TRAPPC11: variants seen among roughly 807,000 people sequenced by gnomAD.
TRAPPC11 encodes trafficking protein particle complex subunit 11, also known as foie gras homolog.
TRAPPC11 carries 104 observed loss-of-function variants against 151.2 expected under a neutral mutation model. The observed-to-expected ratio is 0.69, with a 90% CI of 0.59 to 0.81. The LOEUF (loss-of-function observed/expected upper bound fraction) is 0.81, where lower values mean the gene tolerates loss of function less well. Among genes scored for constraint, TRAPPC11 ranks in the 30% least tolerant of loss-of-function variants. The probability of loss-of-function intolerance (pLI) is 0.00; values close to 1 mark genes in which losing one functional copy is unlikely to be tolerated. For synonymous variants in TRAPPC11, 456 were observed against 472.3 expected (o/e 0.97, Z 0.45); for missense variants, 1,230 against 1,349.6 (o/e 0.91, Z 1.39).
At chr4:183,677,031 C>G (rs1236473988) in intron 7 of TRAPPC11, among the ~76,000 whole-genome samples, 1 of 152,304 alleles carries the variant, frequency 6.6e-6, no homozygotes, top group African/African-American at 2.4e-5. Flanking sequence ...TCTCAAAGTG[C>G]TGGGATTACA....
intron 29 of TRAPPC11, among the ~76,000 whole-genome samples, chr4:183,710,581 C>T (rs62358039): frequency 0.28 from 42,005 of 151,194 alleles, 6,483 homozygotes; most frequent in African/African-American, 0.42. Context: ...CCACTGCGCC[C>T]GGCCTAACAT....
chr4:183,677,320 C>G (rs1443997976), intron 7 of TRAPPC11, 138 bp from the exon 8 acceptor site: 11 of 647,828 alleles, frequency 1.7e-5, no homozygotes, highest in African/African-American at 1.1e-4. Flanking sequence ...GCTCATTTAT[C>G]AGGAAATCAG....
At position 183,685,370 on chromosome 4, in the gene TRAPPC11, T is replaced by G; in HGVS notation, c.1729T>G (p.Phe577Val). ...DRISLAGSNI[F>V]TIGVQDFVPF... ...AATTTCTCTGGCTGGCAGCAATATT[T>G]TCACAATAGGAGTACAGGACTTTGT... Residue 577 changes from phenylalanine (F) to valine (V), a missense_variant, in exon 17 of 30, where the codon TTC becomes GTC. Phe to Val is a conservative substitution (Grantham distance 50). Coordinates refer to ENST00000334690, the MANE Select transcript of TRAPPC11 (RefSeq NM_021942.6). 2 of 1,614,168 alleles carry G rather than the reference T, an allele frequency of 1.2e-6. No homozygotes were observed. The highest frequency in any genetic ancestry group is 1.1e-5 in the South Asian group (1 of 91,086).
Position 183,694,762 on chromosome 4 carries a change from G to C in TRAPPC11, c.2628+39G>C, listed in dbSNP as rs201041596. The stretch of plus-strand genomic sequence containing the variant: ...GCTACTTTATAAAGCATCATATGTG[G>C]AGTATTCCCATTTTGTGTTATTTTA... On this transcript the variant is annotated intron_variant, in intron 23 of 29. Transcript: ENST00000334690. The C allele has an allele frequency of 1.3e-3, 2,112 of 1,581,754 alleles. 7 individuals carry two copies. Among genetic ancestry groups the C allele is most frequent in the South Asian group, 2.6e-3 (222 of 84,668 alleles).
intron 10 of TRAPPC11, among the ~76,000 whole-genome samples, chr4:183,680,990 G>A (rs1002342279): frequency 6.6e-6 from 1 of 151,856 alleles, no homozygotes; most frequent in South Asian, 2.1e-4. Flanking sequence ...ACCGCGCCTG[G>A]CCTCCTGTGT....
chr4:183,678,304 C>T (rs1735513524), intron 8 of TRAPPC11, among the ~76,000 whole-genome samples: 1 of 152,096 alleles, frequency 6.6e-6, no homozygotes, highest in African/African-American at 2.4e-5. Flanking sequence ...GAATAGGTGC[C>T]CTCAGAAGTC....
chr4:183,659,712 G>C (rs958580311), intron 1 of TRAPPC11, among the ~76,000 whole-genome samples: 3 of 152,220 alleles, frequency 2.0e-5, no homozygotes, highest in Non-Finnish European at 2.9e-5. Context: ...TACCAGAACA[G>C]ATACTGGGAC....
At position 183,683,439 on chromosome 4, in the gene TRAPPC11, T is replaced by C. The variant is rs11947515; in HGVS notation, c.1208-536T>C. Among the ~76,000 whole-genome samples the C allele has an allele frequency of 8.8e-3, 1,331 of 151,978 alleles. 19 individuals are homozygous for C. Among genetic ancestry groups the C allele is most frequent in the African/African-American group, 0.031 (1,274 of 41,456 alleles). On this transcript the variant is annotated intron_variant, in intron 11 of 29. Transcript: ENST00000334690. ...GCTTTGGGAGGCCAAGGTGGGAGGA[T>C]TGCTTGAGGCCAGGAGTTTGAGACC...
intron 17 of TRAPPC11, 122 bp from the exon 18 acceptor site, chr4:183,686,496 A>T (rs1735975192): frequency 4.5e-6 from 5 of 1,114,150 alleles, no homozygotes; most frequent in Non-Finnish European, 5.1e-6. Flanking sequence ...CCTTAAGTGC[A>T]GAAGTCAGTA....
Position 183,675,248 on chromosome 4 carries a change from C to A in TRAPPC11, c.734+11C>A. 3 of 1,495,508 alleles carry A rather than the reference C, an allele frequency of 2.0e-6. No individual in the cohort carries two copies. The highest frequency in any genetic ancestry group is 2.7e-6 in the Non-Finnish European group (3 of 1,111,578). 92.6% of individuals were successfully genotyped at this position (1,495,508 alleles called of 1,614,324 possible). On this transcript the variant is annotated intron_variant, in intron 7 of 29. Transcript: ENST00000334690. ...ACAAAATGCGCTGAAGTAAGTTAAG[C>A]TTTCAAACTAAATGTTTCCTATTTT... is the stretch of plus-strand genomic sequence containing the variant.
chr4:183,691,408 CA>C lies in TRAPPC11; in HGVS notation c.1990del (p.Thr664GlnfsTer38). The C allele has an allele frequency of 1.3e-6, 2 of 1,546,298 alleles. No homozygotes were observed. Among genetic ancestry groups the C allele is most frequent in the Non-Finnish European group, 1.8e-6 (2 of 1,138,512 alleles). On this transcript the variant is annotated frameshift_variant, in exon 19 of 30. Transcript: ENST00000334690. LOFTEE classifies it high-confidence loss of function. The stretch of plus-strand genomic sequence containing the variant: ...AAGGAAAGATGTGCCTAGTTCCTGG[CA>C]AAACAAGAAAACTGTTATTTAAGTT... ...TQGKMCLVPG[K>X]TRKLLFKFVA...
chr4:183,672,706 G>A (rs1446188003), intron 5 of TRAPPC11, among the ~76,000 whole-genome samples: 2 of 152,130 alleles, frequency 1.3e-5, no homozygotes, highest in African/African-American at 4.8e-5. Context: ...CACTTACCAA[G>A]CCTACTTACT....
chr4:183,674,544 A>G (rs1735315767), intron 5 of TRAPPC11, among the ~76,000 whole-genome samples, 169 bp from the exon 6 acceptor site: 1 of 151,606 alleles, frequency 6.6e-6, no homozygotes, highest in Non-Finnish European at 1.5e-5. Flanking sequence ...TTGTTTTTAG[A>G]CTTTTTGATC....
chr4:183,707,254 A>ACGTGTGTGTG (rs1737120360), intron 28 of TRAPPC11, among the ~76,000 whole-genome samples: 1 of 148,568 alleles, frequency 6.7e-6, no homozygotes, highest in African/African-American at 2.5e-5. Context: ...GTGTGTGTTT[A>ACGTGTGTGTG]TGTGTGTGTG....
intron 29 of TRAPPC11, among the ~76,000 whole-genome samples, chr4:183,709,099 C>T (rs1338809148): frequency 2.6e-5 from 4 of 152,078 alleles, no homozygotes; most frequent in Non-Finnish European, 5.9e-5. Context: ...TTTAGCTCAG[C>T]AGCCCACCTC....
chr4:183,692,522 T>C (rs927141123), intron 19 of TRAPPC11, among the ~76,000 whole-genome samples: 8 of 152,232 alleles, frequency 5.3e-5, no homozygotes, highest in Non-Finnish European at 1.0e-4. Flanking sequence ...ATAGATCATG[T>C]ATTCAATTAA....
At chr4:183,712,482 A>T (rs1737381624) in intron 29 of TRAPPC11, 118 bp from the exon 30 acceptor site, 9 of 982,944 alleles carry the variant, frequency 9.2e-6, no homozygotes, top group Non-Finnish European at 9.6e-6. Flanking sequence ...TGATGCTTAC[A>T]CTCATTTATT....
chr4:183,697,625 G>T, intron 24 of TRAPPC11, 54 bp from the exon 25 acceptor site: 1 of 1,608,010 alleles, frequency 6.2e-7, no homozygotes, highest in African/African-American at 1.3e-5. Context: ...GGACTGAAAT[G>T]ATAAAATGGA....
At chr4:183,702,233 A>C (rs1289766711) in intron 26 of TRAPPC11, among the ~76,000 whole-genome samples, 1 of 151,900 alleles carries the variant, frequency 6.6e-6, no homozygotes, top group Admixed American at 6.6e-5. Context: ...AGTCCCAGCT[A>C]CTCAGGAGGC....
Sources: gnomAD v4.1 joint callset for allele counts (sites outside exome capture counted in the v4.1 genomes callset) on GRCh38, gnomAD v4.1.1 for gene constraint, MANE v1.5 for transcripts, NCBI Gene and HGNC (gene_info 2026-07-23, HGNC 2026-07-21) for gene names.